The following GALNT2 variants were observed in gnomAD, a reference collection of about 807,000 sequenced individuals.
GALNT2 encodes the protein UDP-GalNAc:polypeptide N-acetylgalactosaminyltransferase 2.
GALNT2 carries 31 observed loss-of-function variants against 81.4 expected under a neutral mutation model. The observed-to-expected ratio is 0.38, with a 90% CI of 0.29 to 0.51. The LOEUF (loss-of-function observed/expected upper bound fraction) is 0.51. Among genes scored for constraint, GALNT2 ranks in the 20% least tolerant of loss-of-function variants. The pLI is 0.87. For synonymous variants in GALNT2, 303 were observed against 287.4 expected, an observed-to-expected ratio of 1.05 and a Z score of -0.55; for missense variants, 629 against 765.7, an observed-to-expected ratio of 0.82 and a Z score of 2.11.
At position 230,279,388 on chromosome 1, in the gene GALNT2, G is replaced by A. The variant is rs1666374729; in HGVS notation, c.1646G>A (p.Gly549Asp). 6.2e-7 allele frequency: 1 copy of A among 1,614,056 alleles called. No individual in the cohort carries two copies. The highest frequency in any genetic ancestry group is 1.7e-5 in the Admixed American group (1 of 60,008). The change falls in exon 16 of 16, where the codon GGC (glycine) becomes GAC (aspartate). Residue 549 changes from glycine to aspartate, a missense_variant. Gly to Asp is a moderately conservative substitution (Grantham distance 94, BLOSUM62 -1). This residue lies in a region of GALNT2 where 207 missense variants were observed against 225.5 expected (regional missense o/e 0.92). Transcript: ENST00000366672. This position sits in a 1 kb window ranked among gnomAD's most constrained non-coding sequence, Gnocchi z 4.6. ...CLDSRTAKSG[G>D]LSVEVCGPAL... ...GACAGTCGCACGGCCAAGAGCGGGG[G>A]CCTAAGCGTGGAGGTGTGTGGCCCG...
At chr1:230,188,416 AG>A (rs1347976882) in intron 2 of GALNT2, among the ~76,000 whole-genome samples, 28 of 152,224 alleles carry the variant, frequency 1.8e-4, no homozygotes, top group Non-Finnish European at 1.5e-4. Flanking sequence ...GTTCGGAACA[AG>A]GATGATGGCC....
At chr1:230,069,257 G>GTTTTGTTTTGT (rs1553309219) in intron 1 of GALNT2, among the ~76,000 whole-genome samples, 2 of 124,842 alleles carry the variant, frequency 1.6e-5, no homozygotes, top group African/African-American at 1.1e-4. Context: ...GTGATTCTTA[G>GTTTTGTTTTGT]TTTGTTTTTT....
At chr1:230,082,694 T>C (rs1659771864) in intron 1 of GALNT2, among the ~76,000 whole-genome samples, 2 of 152,182 alleles carry the variant, frequency 1.3e-5, no homozygotes, top group Non-Finnish European at 2.9e-5. Context: ...CCCCTGCTCA[T>C]AGGAAGTCAT....
At chr1:230,065,049 GATT>G (rs138561261), upstream of GALNT2, among the ~76,000 whole-genome samples, 1,803 of 152,086 alleles carry the variant, frequency 0.012, 33 homozygotes, top group African/African-American at 0.042. Context: ...CTTATTCCTG[GATT>G]ATTTTCTGGG....
At chr1:230,156,361 A>G (rs540688445) in intron 1 of GALNT2, among the ~76,000 whole-genome samples, 1 of 152,184 alleles carries the variant, frequency 6.6e-6, no homozygotes, top group Non-Finnish European at 1.5e-5. Context: ...TCACCGTGTC[A>G]TTTTAGGCCT....
intron 3 of GALNT2, among the ~76,000 whole-genome samples, chr1:230,215,163 G>C (rs1381474821): frequency 6.6e-6 from 1 of 152,230 alleles, no homozygotes; most frequent in Non-Finnish European, 1.5e-5. Context: ...AGCCCTGTGG[G>C]ATTCGACCTG....
intron 3 of GALNT2, among the ~76,000 whole-genome samples, chr1:230,218,291 T>C (rs907887227): frequency 5.9e-5 from 9 of 152,206 alleles, no homozygotes; most frequent in African/African-American, 2.2e-4. Flanking sequence ...ACTTGAAGAA[T>C]GGACTTGTCC....
chr1:230,203,986 A>G (rs151162648), intron 3 of GALNT2, among the ~76,000 whole-genome samples: 175 of 152,238 alleles, frequency 1.1e-3, no homozygotes, highest in African/African-American at 4.0e-3. Flanking sequence ...CACTACATCC[A>G]GATAATATTT....
chr1:230,068,748 C>G (rs1209994181), intron 1 of GALNT2, among the ~76,000 whole-genome samples: 1 of 152,180 alleles, frequency 6.6e-6, no homozygotes, highest in Non-Finnish European at 1.5e-5. Flanking sequence ...TTTGTTTTAT[C>G]TAGAAGGGCA....
chr1:230,274,378 G>A lies in GALNT2; in HGVS notation c.1441-67G>A, dbSNP rs1312668769. On this transcript the variant is annotated intron_variant, in intron 14 of 15. Coordinates refer to ENST00000366672, the MANE Select transcript of GALNT2 (RefSeq NM_004481.5). Reference sequence around the variant, plus strand: ...CCCATTTCCTTTTTGAGCCCTCATCGATGCCCCTTCTTTCCTTTCACAGCC... The same window carrying A: ...CCCATTTCCTTTTTGAGCCCTCATCAATGCCCCTTCTTTCCTTTCACAGCC... 2.5e-5 allele frequency: 40 copies of A among 1,569,934 alleles called. No homozygotes were observed. In the East Asian group the frequency reaches 3.4e-4, roughly 13 times the overall value.
upstream of GALNT2, among the ~76,000 whole-genome samples, chr1:230,064,180 CT>C (rs1220251699): frequency 1.3e-5 from 2 of 151,960 alleles, no homozygotes; most frequent in Admixed American, 6.6e-5. Context: ...ATATGGTATC[CT>C]TTCACTACTA....
At chr1:230,206,198 C>T (rs1351661921) in intron 3 of GALNT2, among the ~76,000 whole-genome samples, 2 of 152,120 alleles carry the variant, frequency 1.3e-5, no homozygotes, top group African/African-American at 4.8e-5. Flanking sequence ...TTTCTCATGG[C>T]TCATCAGCAT....
intron 1 of GALNT2, among the ~76,000 whole-genome samples, chr1:230,142,587 A>G (rs1661780344): frequency 6.6e-6 from 1 of 152,206 alleles, no homozygotes; most frequent in African/African-American, 2.4e-5. Flanking sequence ...ATAATTAAAT[A>G]TACCTAGTAC....
rs966046763 is a variant in GALNT2, at chr1:230,153,166, C to A, written c.127-25052C>A. On this transcript the variant is annotated intron_variant, in intron 1 of 15. Coordinates refer to ENST00000366672, the MANE Select transcript of GALNT2 (RefSeq NM_004481.5). ...GTAATCTCAAACTCTTGTGCTCAAG[C>A]GATCTTCTTATCTCAGTCTGTGGAG... Among the ~76,000 whole-genome samples the A allele has an allele frequency of 3.9e-5, 6 of 152,146 alleles. No homozygotes were observed. The East Asian group carries it at 9.6e-4, about 24-fold the overall frequency.
intron 3 of GALNT2, among the ~76,000 whole-genome samples, chr1:230,228,651 GTGTAACCC>G (rs745730771): frequency 2.5e-4 from 38 of 152,148 alleles, no homozygotes; most frequent in Admixed American, 1.8e-3. Flanking sequence ...TCATCTGTGT[GTGTAACCC>G]TGCACCCATA....
At chr1:230,118,431 G>A (rs1660913505) in intron 1 of GALNT2, among the ~76,000 whole-genome samples, 1 of 152,234 alleles carries the variant, frequency 6.6e-6, no homozygotes, top group Non-Finnish European at 1.5e-5. Flanking sequence ...CTGCCAAACT[G>A]TCTTCCAAAG....
At chr1:230,194,405 G>A (rs2102699485) in intron 2 of GALNT2, among the ~76,000 whole-genome samples, 1 of 152,316 alleles carries the variant, frequency 6.6e-6, no homozygotes, top group East Asian at 1.9e-4. Context: ...CAGGGGTCCA[G>A]AGCCAGGACT....
intron 1 of GALNT2, among the ~76,000 whole-genome samples, chr1:230,092,185 T>TTGTTTTTTTTTTTTTTTTTTTTTTTTTG (rs1660110178): frequency 8.7e-6 from 1 of 114,286 alleles, no homozygotes; most frequent in South Asian, 3.0e-4. Flanking sequence ...AGTTTTTTTT[T>TTGTTTTTTTTTTTTTTTTTTTTTTTTTG]TTTTTTTTTT....
chr1:230,177,794 A>G (rs1663031482), intron 1 of GALNT2, among the ~76,000 whole-genome samples: 1 of 152,196 alleles, frequency 6.6e-6, no homozygotes, highest in Non-Finnish European at 1.5e-5. Flanking sequence ...ATCTGGTCCT[A>G]AGATGTCCAT....
Sources: allele counts gnomAD v4.1 joint callset (sites outside exome capture counted in the v4.1 genomes callset), GRCh38; gene constraint gnomAD v4.1.1; regional missense constraint gnomAD v4.1.1; non-coding constraint Gnocchi (gnomAD v3.1); transcripts MANE v1.5; gene names NCBI Gene and HGNC (gene_info 2026-07-23, HGNC 2026-07-21).